The following PSMB7 variants were observed in gnomAD, a reference collection of about 807,000 sequenced individuals.
PSMB7 encodes proteasome 20S subunit beta 7.
In PSMB7, 5 loss-of-function variants were observed where a neutral mutation model predicts 28.1. The observed-to-expected ratio is 0.18, with a 90% CI of 0.09 to 0.37. The LOEUF is 0.37. Among genes scored for constraint, PSMB7 ranks in the 10% least tolerant of loss-of-function variants. The pLI is 1.00. For missense variants in PSMB7, 275 were observed against 346.2 expected, an observed-to-expected ratio of 0.79 and a Z score of 1.63; for synonymous variants, 122 against 123.7, an observed-to-expected ratio of 0.99 and a Z score of 0.09.
At chr9:124,399,985 C>A (rs968374578) in intron 5 of PSMB7, among the ~76,000 whole-genome samples, 28 of 152,182 alleles carry the variant, frequency 1.8e-4, no homozygotes, top group African/African-American at 6.5e-4. Context: ...CTGCCTGCAG[C>A]GTCTGGACCC....
intron 6 of PSMB7, among the ~76,000 whole-genome samples, chr9:124,365,572 G>A (rs186350697): frequency 2.6e-5 from 4 of 152,292 alleles, no homozygotes; most frequent in Admixed American, 6.5e-5. Flanking sequence ...CATGTACCAC[G>A]TAACATTTTG....
At chr9:124,365,442 C>T (rs532570005) in intron 6 of PSMB7, among the ~76,000 whole-genome samples, 7 of 151,928 alleles carry the variant, frequency 4.6e-5, no homozygotes, top group Non-Finnish European at 7.4e-5. Context: ...AAGGTGTGGT[C>T]GAGTAGGTAG....
At chr9:124,369,738 G>A (rs1194120937) in intron 6 of PSMB7, among the ~76,000 whole-genome samples, 1 of 152,054 alleles carries the variant, frequency 6.6e-6, no homozygotes, top group Non-Finnish European at 1.5e-5. Context: ...ATTCCTGTCC[G>A]GAATGGTCTC....
intron 6 of PSMB7, chr9:124,383,602 C>T (rs982991042): frequency 5.9e-5 from 9 of 152,096 alleles, no homozygotes; most frequent in African/African-American, 2.2e-4. Context: ...GACGGAAGAA[C>T]AAAATATTTT....
chr9:124,396,336 A>T (rs1830843322), intron 5 of PSMB7, among the ~76,000 whole-genome samples: 1 of 111,958 alleles, frequency 8.9e-6, no homozygotes, highest in East Asian at 2.4e-4. Context: ...TTAGTGTAAA[A>T]ATACAGAAAA....
intron 5 of PSMB7, among the ~76,000 whole-genome samples, chr9:124,404,915 CT>C (rs1830947811): frequency 6.6e-6 from 1 of 151,958 alleles, no homozygotes; most frequent in Non-Finnish European, 1.5e-5. Flanking sequence ...CACTCAAAAA[CT>C]TTAGGATTTT....
chr9:124,360,427 A>T (rs1199680749), intron 6 of PSMB7, among the ~76,000 whole-genome samples: 1 of 152,228 alleles, frequency 6.6e-6, no homozygotes, highest in African/African-American at 2.4e-5. Flanking sequence ...GGGCCTTGAT[A>T]AGGGCTCTGC....
At chr9:124,363,138 A>G (rs149821327) in intron 6 of PSMB7, among the ~76,000 whole-genome samples, 1 of 152,358 alleles carries the variant, frequency 6.6e-6, no homozygotes, top group Non-Finnish European at 1.5e-5. Flanking sequence ...TTCACTTCAA[A>G]TGCATGCATG....
intron 6 of PSMB7, among the ~76,000 whole-genome samples, chr9:124,378,653 C>G (rs984940440): frequency 1.3e-5 from 2 of 152,150 alleles, no homozygotes; most frequent in Non-Finnish European, 2.9e-5. Context: ...ATTGTAATCT[C>G]CAAGAGTTTA....
chr9:124,403,259 A>G (rs1830930004), intron 5 of PSMB7, among the ~76,000 whole-genome samples: 1 of 152,100 alleles, frequency 6.6e-6, no homozygotes, highest in Non-Finnish European at 1.5e-5. Context: ...AAAAATTATC[A>G]GCCACCTGTA....
At chr9:124,413,812 T>C (rs766836754) in intron 3 of PSMB7, 96 bp downstream of exon 3, 21 of 795,342 alleles carry the variant, frequency 2.6e-5, no homozygotes, top group Admixed American at 4.9e-5. Context: ...AAAATACAGG[T>C]TGAAAAACAG....
At chr9:124,387,107 A>G (rs1347002594) in intron 5 of PSMB7, among the ~76,000 whole-genome samples, 2 of 152,062 alleles carry the variant, frequency 1.3e-5, no homozygotes, top group Non-Finnish European at 1.5e-5. Context: ...TTAGCCGAGC[A>G]TGGTGGTGGG....
At chr9:124,399,028 G>C (rs1452714146) in intron 5 of PSMB7, among the ~76,000 whole-genome samples, 4 of 88,294 alleles carry the variant, frequency 4.5e-5, no homozygotes, top group African/African-American at 1.8e-4. Context: ...AAAAAAAAAA[G>C]TAAAAGGACC....
At chr9:124,355,972 G>C (rs994616209) in intron 7 of PSMB7, among the ~76,000 whole-genome samples, 7 of 152,156 alleles carry the variant, frequency 4.6e-5, no homozygotes, top group African/African-American at 1.7e-4. Context: ...ACTTCCTCGG[G>C]GCTACCGTGG....
chr9:124,385,591 A>G (rs1452526679), intron 5 of PSMB7, among the ~76,000 whole-genome samples: 2 of 152,208 alleles, frequency 1.3e-5, no homozygotes, highest in African/African-American at 2.4e-5. Flanking sequence ...TTTTTACTCC[A>G]ATTAGAAGAT....
chr9:124,370,511 C>CA (rs1554861132), intron 6 of PSMB7, among the ~76,000 whole-genome samples: 1 of 152,150 alleles, frequency 6.6e-6, no homozygotes, highest in Non-Finnish European at 1.5e-5. Flanking sequence ...AATTTGCTGA[C>CA]TTTCCCCCCT....
In PSMB7 at chr9:124,356,214, G is replaced by A. The variant is rs531382292; in HGVS notation, c.722+550C>T. 3.9e-5 allele frequency among the ~76,000 whole-genome samples: 6 copies of A among 152,278 alleles called. No individual in the cohort carries two copies. The East Asian group carries it at 1.2e-3, about 29-fold the overall frequency. On this transcript the variant is annotated intron_variant, in intron 7 of 7. Coordinates refer to ENST00000259457, the MANE Select transcript of PSMB7 (RefSeq NM_002799.4). The surrounding 1 kb of genome is among the most constrained non-coding windows in gnomAD (Gnocchi z 4.4). Reference sequence around the variant, plus strand: ...CCAGTTCTGCTCAGCAAATCAACTAGAACCTTCTCCCACTGCTCTGAGTCT... The same window carrying A: ...CCAGTTCTGCTCAGCAAATCAACTAAAACCTTCTCCCACTGCTCTGAGTCT...
At chr9:124,357,011 C>T (rs1051979895) in intron 6 of PSMB7, 96 bp from the exon 7 acceptor site, 18 of 1,334,058 alleles carry the variant, frequency 1.3e-5, no homozygotes, top group Admixed American at 8.4e-5. Flanking sequence ...CAAGACCTCC[C>T]GCGAGACAGG....
chr9:124,400,106 A>T (rs944754245), intron 5 of PSMB7, among the ~76,000 whole-genome samples: 1 of 150,908 alleles, frequency 6.6e-6, no homozygotes, highest in Non-Finnish European at 1.5e-5. Context: ...CCCTTGCCCC[A>T]CCCCCACTCA....
Sources: allele counts gnomAD v4.1 joint callset (sites outside exome capture counted in the v4.1 genomes callset), GRCh38; gene constraint gnomAD v4.1.1; non-coding constraint Gnocchi (gnomAD v3.1); transcripts MANE v1.5; gene names NCBI Gene and HGNC (gene_info 2026-07-23, HGNC 2026-07-21).